Variants in POU6F2 observed in about 807,000 individuals in gnomAD.
POU6F2 encodes the protein POU class 6 homeobox 2.
POU6F2 carries 31 observed loss-of-function variants against 71.3 expected under a neutral mutation model. The ratio of observed to expected loss-of-function variants is 0.43; its 90% CI spans 0.33 to 0.59. POU6F2 has a LOEUF of 0.59. Ranked by LOEUF, POU6F2 falls within the 20% of genes least tolerant of loss-of-function variation. The probability of loss-of-function intolerance (pLI) is 0.04; values close to 1 mark genes in which losing one functional copy is unlikely to be tolerated. For synonymous variants in POU6F2, 347 were observed against 355.7 expected (o/e 0.98, Z 0.27); for missense variants, 783 against 856.8 (o/e 0.91, Z 1.07).
At chr7:39,070,980 G>C (rs550449270) in intron 1 of POU6F2, among the ~76,000 whole-genome samples, 1 of 152,248 alleles carries the variant, frequency 6.6e-6, no homozygotes, top group South Asian at 2.1e-4. Flanking sequence ...TTTTTGGCAC[G>C]AGGGACTGGT....
Position 39,363,079 on chromosome 7 carries a change from G to A in POU6F2, c.972+23064G>A, listed in dbSNP as rs552334044. On this transcript the variant is annotated intron_variant, in intron 5 of 9. Coordinates refer to ENST00000518318, the MANE Select transcript of POU6F2 (RefSeq NM_001370959.1). ...GATGCTATAAAGAGGTCAGACTGCC[G>A]AGAGTCAGGAGCGAACACAGGAAGT... is the stretch of plus-strand genomic sequence containing the variant. 1.2e-4 allele frequency among the ~76,000 whole-genome samples: 19 copies of A among 152,310 alleles called. No individual in the cohort carries two copies. In the East Asian group the frequency reaches 1.9e-3, roughly 15 times the overall value.
chr7:39,385,962 C>A (rs1176190996), intron 5 of POU6F2, among the ~76,000 whole-genome samples: 1 of 151,880 alleles, frequency 6.6e-6, no homozygotes, highest in Non-Finnish European at 1.5e-5. Context: ...AAAAAAAATA[C>A]AAATAATTAG....
chr7:39,296,625 C>T (rs529661634), intron 4 of POU6F2, among the ~76,000 whole-genome samples: 1 of 152,292 alleles, frequency 6.6e-6, no homozygotes, highest in East Asian at 1.9e-4. Context: ...GGTGGTGTTC[C>T]CTCTGCCTGG....
At chr7:39,026,699 A>G (rs994867819) in intron 1 of POU6F2, among the ~76,000 whole-genome samples, 15 of 152,168 alleles carry the variant, frequency 9.9e-5, no homozygotes, top group African/African-American at 3.6e-4. Context: ...ATGTATACAT[A>G]TGTAACTAAC....
At chr7:39,012,783 C>T (rs1231252615) in intron 1 of POU6F2, among the ~76,000 whole-genome samples, 19 of 150,144 alleles carry the variant, frequency 1.3e-4, no homozygotes, top group Middle Eastern at 3.5e-3. Context: ...AATACCCTGC[C>T]GTGTGAGGTG....
chr7:39,097,577 A>G (rs188708686), intron 2 of POU6F2, among the ~76,000 whole-genome samples: 107 of 152,264 alleles, frequency 7.0e-4, no homozygotes, highest in African/African-American at 2.5e-3. Context: ...AAAACCCATA[A>G]TTTGCCCTAT....
Position 39,067,932 on chromosome 7 carries a change from C to T in POU6F2, c.106-17928C>T, listed in dbSNP as rs182672286. The stretch of plus-strand genomic sequence containing the variant: ...GGATAATACAAAAGAGAGGCTTTCT[C>T]ATACACTGAGAACATAAATTTTCCA... On this transcript the variant is annotated intron_variant, in intron 1 of 9. Coordinates refer to ENST00000518318, the MANE Select transcript of POU6F2 (RefSeq NM_001370959.1). Among the ~76,000 whole-genome samples, 1,102 of 152,240 alleles carry T rather than the reference C, an allele frequency of 7.2e-3. 10 individuals carry two copies. Among genetic ancestry groups the T allele is most frequent in the African/African-American group, 0.024 (1,015 of 41,548 alleles).
chr7:39,379,187 G>A (rs767588726), intron 5 of POU6F2, among the ~76,000 whole-genome samples: 1 of 152,126 alleles, frequency 6.6e-6, no homozygotes, highest in Middle Eastern at 3.2e-3. Flanking sequence ...TAGGTGCTGC[G>A]CATCATTCTC....
intron 4 of POU6F2, among the ~76,000 whole-genome samples, chr7:39,242,070 T>C (rs1230383966): frequency 6.6e-6 from 1 of 152,200 alleles, no homozygotes; most frequent in Non-Finnish European, 1.5e-5. Context: ...GAGTAAGGTT[T>C]CACTGTGTGG....
intron 4 of POU6F2, among the ~76,000 whole-genome samples, chr7:39,263,388 A>T (rs188370280): frequency 2.6e-5 from 4 of 152,290 alleles, no homozygotes; most frequent in Admixed American, 2.6e-4. Flanking sequence ...CTTCTATAGC[A>T]GTCAAGGTTT....
intron 5 of POU6F2, among the ~76,000 whole-genome samples, chr7:39,341,164 G>A (rs755174529): frequency 1.3e-5 from 2 of 152,100 alleles, no homozygotes; most frequent in African/African-American, 2.4e-5. Flanking sequence ...AAAGGCAGGT[G>A]GATTAGAGAC....
intron 2 of POU6F2, among the ~76,000 whole-genome samples, chr7:39,149,755 T>G (rs1792706635): frequency 6.6e-6 from 1 of 152,214 alleles, no homozygotes; most frequent in Non-Finnish European, 1.5e-5. Context: ...TGTGTGTATA[T>G]ATATATGTGA....
At chr7:39,105,166 A>G (rs1177870207) in intron 2 of POU6F2, among the ~76,000 whole-genome samples, 1 of 152,196 alleles carries the variant, frequency 6.6e-6, no homozygotes, top group Non-Finnish European at 1.5e-5. Context: ...TAGCAGATGA[A>G]AATAGATTTC....
intron 3 of POU6F2, among the ~76,000 whole-genome samples, chr7:39,204,580 T>A (rs4478480): frequency 0.81 from 123,216 of 151,396 alleles, 50,397 homozygotes; most frequent in East Asian, 1. Flanking sequence ...TTTTTTTTTA[T>A]CTTAAAACCC....
At chr7:39,010,378 A>G (rs1385660957) in intron 1 of POU6F2, among the ~76,000 whole-genome samples, 1 of 148,254 alleles carries the variant, frequency 6.7e-6, no homozygotes, top group African/African-American at 2.5e-5. Flanking sequence ...TATCCCCTTT[A>G]TCATTTTTTA....
intron 8 of POU6F2, among the ~76,000 whole-genome samples, chr7:39,454,705 T>G (rs3966613): frequency 0.021 from 1,335 of 62,660 alleles, 254 homozygotes; most frequent in East Asian, 0.13. Flanking sequence ...TATATATATA[T>G]ATATATATAT....
chr7:39,087,191 T>A (rs1332907990), intron 2 of POU6F2, among the ~76,000 whole-genome samples: 9 of 147,132 alleles, frequency 6.1e-5, no homozygotes, highest in African/African-American at 1.8e-4. Flanking sequence ...TTTATTTATT[T>A]ATTTATTTTA....
intron 2 of POU6F2, among the ~76,000 whole-genome samples, chr7:39,114,291 C>T (rs1006464973): frequency 1.3e-5 from 2 of 152,114 alleles, no homozygotes; most frequent in East Asian, 1.9e-4. Flanking sequence ...ATCCATCTCA[C>T]GGTAATTTAA....
intron 4 of POU6F2, among the ~76,000 whole-genome samples, chr7:39,258,366 T>C (rs1327726203): frequency 6.6e-6 from 1 of 152,234 alleles, no homozygotes; most frequent in Non-Finnish European, 1.5e-5. Context: ...AAAACTGTGT[T>C]CTGGAGCCTG....
Sources: gnomAD v4.1 joint callset for allele counts (sites outside exome capture counted in the v4.1 genomes callset) on GRCh38, gnomAD v4.1.1 for gene constraint, MANE v1.5 for transcripts, NCBI Gene and HGNC (gene_info 2026-07-23, HGNC 2026-07-21) for gene names.